GPCPD1: variants seen among roughly 807,000 people sequenced by gnomAD.
The protein encoded by GPCPD1 is glycerophosphocholine phosphodiesterase 1, also known as glycerophosphocholine phosphodiesterase GPCPD1.
GPCPD1 carries 29 observed loss-of-function variants against 89.2 expected under a neutral mutation model. The observed-to-expected ratio is 0.33, with a 90% confidence interval of 0.24 to 0.44. The LOEUF is 0.44. Among genes scored for constraint, GPCPD1 ranks in the 20% least tolerant of loss-of-function variants. The pLI, the probability that GPCPD1 is intolerant of heterozygous loss-of-function variation, is 1.00. For synonymous variants in GPCPD1, 258 were observed against 266.3 expected, an observed-to-expected ratio of 0.97 and a Z score of 0.30; for missense variants, 594 against 808.9, an observed-to-expected ratio of 0.73 and a Z score of 3.22.
intron 15 of GPCPD1, among the ~76,000 whole-genome samples, chr20:5,562,871 C>CA (rs1330215130): frequency 1.3e-5 from 2 of 151,928 alleles, no homozygotes; most frequent in African/African-American, 4.8e-5. Flanking sequence ...TGGACTAATG[C>CA]AAAATGAGAA....
chr20:5,581,306 A>C (rs1250958872), intron 6 of GPCPD1, among the ~76,000 whole-genome samples: 1 of 152,212 alleles, frequency 6.6e-6, no homozygotes, highest in Non-Finnish European at 1.5e-5. Flanking sequence ...GGAAAAATTA[A>C]ATGAATATTA....
At chr20:5,588,904 T>A (rs71337001) in intron 4 of GPCPD1, among the ~76,000 whole-genome samples, 1 of 152,202 alleles carries the variant, frequency 6.6e-6, no homozygotes. Context: ...GGTAACGGCA[T>A]AGCAGACTGT....
intron 19 of GPCPD1, among the ~76,000 whole-genome samples, chr20:5,555,068 C>T (rs1985671858): frequency 6.6e-6 from 1 of 152,186 alleles, no homozygotes; most frequent in African/African-American, 2.4e-5. Context: ...AAAACTTTAA[C>T]AGACGAGGAG....
chr20:5,591,414 G>A (rs1979319081), intron 4 of GPCPD1, among the ~76,000 whole-genome samples: 1 of 152,166 alleles, frequency 6.6e-6, no homozygotes. Context: ...TATAGATGAG[G>A]AGGCTAAAGC....
intron 2 of GPCPD1, among the ~76,000 whole-genome samples, chr20:5,601,952 G>T (rs6053528): frequency 0.72 from 108,779 of 152,086 alleles, 39,990 homozygotes; most frequent in African/African-American, 0.88. Flanking sequence ...TTGGCTCTCA[G>T]TTATAAAAGA....
intron 6 of GPCPD1, among the ~76,000 whole-genome samples, chr20:5,582,753 A>G (rs1242989956): frequency 6.6e-6 from 1 of 151,964 alleles, no homozygotes; most frequent in East Asian, 1.9e-4. Context: ...GCCAGGCGTG[A>G]TGACACTCAC....
At chr20:5,576,247 C>T (rs1387070896) in intron 8 of GPCPD1, among the ~76,000 whole-genome samples, 4 of 151,766 alleles carry the variant, frequency 2.6e-5, no homozygotes, top group African/African-American at 9.7e-5. Flanking sequence ...AGTGAAACCC[C>T]GTTTCTACTA....
In GPCPD1 at chr20:5,573,996, A is replaced by G. The variant is rs1978284842; in HGVS notation, c.1002-27T>C. 6 of 1,081,902 alleles carry G rather than the reference A, an allele frequency of 5.5e-6. No homozygotes were observed. In the East Asian group the frequency reaches 1.4e-4, roughly 25 times the overall value. 67.0% of individuals were successfully genotyped at this position (1,081,902 alleles called of 1,614,324 possible). Reference sequence around the variant, plus strand: ...TGAAAAGAAGAAATACAGTTAACATAGACTATAGAGAAGATAAAGAAACAA... The same window carrying G: ...TGAAAAGAAGAAATACAGTTAACATGGACTATAGAGAAGATAAAGAAACAA... On this transcript the variant is annotated intron_variant, in intron 10 of 19. Coordinates refer to ENST00000379019, the MANE Select transcript of GPCPD1 (RefSeq NM_019593.5).
chr20:5,578,957 G>A (rs1436789887), intron 7 of GPCPD1, among the ~76,000 whole-genome samples: 1 of 152,088 alleles, frequency 6.6e-6, no homozygotes, highest in Non-Finnish European at 1.5e-5. Context: ...GGAAGCTGAC[G>A]CGGGAGGATT....
chr20:5,585,626 G>GAAAAAAAAAAAAAAAAAAAAAAAA (rs1568667536), intron 5 of GPCPD1: 1 of 101,382 alleles, frequency 9.9e-6, no homozygotes, highest in Non-Finnish European at 2.0e-5. Context: ...AAAAAAAAAA[G>GAAAAAAAAAAAAAAAAAAAAAAAA]ACAAAAAAAA....
chr20:5,583,438 C>CTCAG, intron 6 of GPCPD1, among the ~76,000 whole-genome samples: 1 of 151,772 alleles, frequency 6.6e-6, no homozygotes, highest in Middle Eastern at 3.4e-3. Context: ...ATCCCAGCTA[C>CTCAG]TCAGGAGCCT....
chr20:5,577,327 GTTTTTT>G (rs904509189), intron 8 of GPCPD1, among the ~76,000 whole-genome samples: 1 of 150,904 alleles, frequency 6.6e-6, no homozygotes, highest in Non-Finnish European at 1.5e-5. Flanking sequence ...GGCCAAAAAC[GTTTTTT>G]TTAAATTAGC....
intron 2 of GPCPD1, among the ~76,000 whole-genome samples, chr20:5,603,053 G>A (rs1805098307): frequency 6.6e-6 from 1 of 151,722 alleles, no homozygotes; most frequent in South Asian, 2.1e-4. Flanking sequence ...AGCACTTTGG[G>A]AGGCCGAGAG....
intron 12 of GPCPD1, 182 bp from the exon 13 acceptor site, chr20:5,567,742 C>G: frequency 2.0e-6 from 1 of 498,422 alleles, no homozygotes; most frequent in Non-Finnish European, 3.4e-6. Flanking sequence ...TCTAACCTAA[C>G]ACCACCTCCC....
At chr20:5,588,396 A>G (rs917759360) in intron 4 of GPCPD1, among the ~76,000 whole-genome samples, 2 of 152,006 alleles carry the variant, frequency 1.3e-5, no homozygotes, top group Admixed American at 1.3e-4. Context: ...TCCCAGCTAC[A>G]TGTGAGGCTG....
rs578090849 is a variant in GPCPD1 at position 5,584,206 on chromosome 20, ATAT to A, written c.349+72_349+74del. On this transcript the variant is annotated intron_variant, in intron 6 of 19. Transcript: ENST00000379019. Reference sequence around the variant, plus strand: ...ACTGTATGTTCTATTTTCCTGTGCTATATAACTCCAGTGAAATGTAAAGTAACA... The same window carrying A: ...ACTGTATGTTCTATTTTCCTGTGCTAAACTCCAGTGAAATGTAAAGTAACA... 66 of 769,764 alleles carry A rather than the reference ATAT, an allele frequency of 8.6e-5. No homozygotes were observed. The East Asian group carries it at 1.5e-3, about 17-fold the overall frequency. 47.7% of individuals were successfully genotyped at this position (769,764 alleles called of 1,614,324 possible).
At position 5,589,542 on chromosome 20, in the gene GPCPD1, G is replaced by A. The variant is rs150933102; in HGVS notation, c.232-3273C>T. 4.4e-3 allele frequency among the ~76,000 whole-genome samples: 671 copies of A among 152,224 alleles called. 9 individuals carry two copies. The highest frequency in any genetic ancestry group is 0.015 in the African/African-American group (628 of 41,524). On this transcript the variant is annotated intron_variant, in intron 4 of 19. Coordinates refer to ENST00000379019, the MANE Select transcript of GPCPD1 (RefSeq NM_019593.5). ...CAGGAGACTCACTTGAACCTGGGAG[G>A]CGGAGGTTGCAATGAGCCATTACAC...
intron 11 of GPCPD1, among the ~76,000 whole-genome samples, chr20:5,571,164 C>G (rs1986690495): frequency 6.6e-6 from 1 of 152,180 alleles, no homozygotes; most frequent in Non-Finnish European, 1.5e-5. Flanking sequence ...ACATGGATCA[C>G]AGACTAGAGT....
intron 2 of GPCPD1, among the ~76,000 whole-genome samples, chr20:5,601,301 G>T (rs1980118395): frequency 6.6e-6 from 1 of 150,576 alleles, no homozygotes; most frequent in Admixed American, 6.6e-5. Flanking sequence ...CCAGGAGTTT[G>T]AGGAGCTATG....
Sources: gnomAD v4.1 joint callset for allele counts (sites outside exome capture counted in the v4.1 genomes callset) on GRCh38, gnomAD v4.1.1 for gene constraint, MANE v1.5 for transcripts, NCBI Gene and HGNC (gene_info 2026-07-23, HGNC 2026-07-21) for gene names.